The following DDX42 variants were observed in gnomAD, a reference collection of about 807,000 sequenced individuals.
The protein encoded by DDX42 is DEAD-box helicase 42, also known as ATP-dependent RNA helicase DDX42.
In DDX42, 22 loss-of-function variants were observed where a neutral mutation model predicts 101.5. The observed-to-expected ratio is 0.22, with a 90% CI of 0.15 to 0.31. DDX42 has a LOEUF of 0.31. Among genes scored for constraint, DDX42 ranks in the 10% least tolerant of loss-of-function variants. The pLI is 1.00. For synonymous variants in DDX42, 402 were observed against 401.2 expected, an observed-to-expected ratio of 1.00 and a Z score of -0.02; for missense variants, 849 against 1,199.9, an observed-to-expected ratio of 0.71 and a Z score of 4.32.
intron 1 of DDX42, among the ~76,000 whole-genome samples, chr17:63,784,124 A>G (rs916549707): frequency 6.6e-6 from 1 of 152,148 alleles, no homozygotes; most frequent in African/African-American, 2.4e-5. Flanking sequence ...AGTGCTGTGT[A>G]TAATAGCAGT....
chr17:63,781,405 G>T (rs1278816264), intron 1 of DDX42, among the ~76,000 whole-genome samples: 1 of 152,002 alleles, frequency 6.6e-6, no homozygotes, highest in Admixed American at 6.6e-5. Flanking sequence ...TTTTAGTAGA[G>T]ATGGGGTTTC....
rs1330408143 is a variant in DDX42 at position 63,818,076 on chromosome 17, C to G, written c.2495C>G (p.Pro832Arg). 6.2e-7 allele frequency: 1 copy of G among 1,613,832 alleles called. No individual in the cohort carries two copies. Among genetic ancestry groups the G allele is most frequent in the Admixed American group, 1.7e-5 (1 of 59,988 alleles). The change falls in exon 18 of 18, where the codon CCA (proline) becomes CGA (arginine). Residue 832 changes from proline to arginine, a missense_variant. Physicochemically the swap from Pro to Arg is moderately radical, Grantham distance 103 (BLOSUM62 -2). This residue lies in a region of DDX42 where 300 missense variants were observed against 304.9 expected (regional missense o/e 0.98). Coordinates refer to ENST00000389924, the MANE Select transcript of DDX42 (RefSeq NM_203499.3). Reference protein sequence around the residue: ...GETGNRHSDSPRHGDGGRHGD... With the variant: ...GETGNRHSDSRRHGDGGRHGD... ...ACTGGCAATCGGCATAGCGATAGTC[C>G]ACGTCACGGAGATGGTGGTCGCCAT...
intron 6 of DDX42, 23 bp downstream of exon 6, chr17:63,800,640 T>C (rs1328154951): frequency 6.2e-7 from 1 of 1,609,628 alleles, no homozygotes; most frequent in Non-Finnish European, 8.5e-7. Context: ...TTGCTGAATT[T>C]TACTCTTGTT....
At chr17:63,789,299 G>T (rs540906906) in intron 2 of DDX42, among the ~76,000 whole-genome samples, 2 of 150,900 alleles carry the variant, frequency 1.3e-5, no homozygotes, top group African/African-American at 4.9e-5. Context: ...GGCTGGCCTC[G>T]AACTCCTGAC....
intron 2 of DDX42, 70 bp from the exon 3 acceptor site, chr17:63,792,342 G>A: frequency 1.3e-6 from 2 of 1,499,408 alleles, no homozygotes; most frequent in African/African-American, 1.4e-5. Flanking sequence ...TAATAAAAAT[G>A]TTGTTAAATG....
At chr17:63,810,343 G>A (rs1186967349) in intron 11 of DDX42, 170 bp from the exon 12 acceptor site, 5 of 518,462 alleles carry the variant, frequency 9.6e-6, no homozygotes, top group Middle Eastern at 4.7e-4. Flanking sequence ...CGCCTGCTTC[G>A]GCCTCCGAAA....
chr17:63,780,080 G>A lies in DDX42; in HGVS notation c.-17+5704G>A, dbSNP rs185959481. Among the ~76,000 whole-genome samples the A allele has an allele frequency of 1.2e-3, 181 of 152,182 alleles. 1 individual carries two copies. The highest frequency in any genetic ancestry group is 4.3e-3 in the African/African-American group (177 of 41,528). The stretch of plus-strand genomic sequence containing the variant: ...GGGAGGCCAAGGCAGGCAGATCACC[G>A]GCGGTCGGGAGTTTGAGACCAGCCT... On this transcript the variant is annotated intron_variant, in intron 1 of 17. Coordinates refer to ENST00000389924, the MANE Select transcript of DDX42 (RefSeq NM_203499.3).
chr17:63,779,487 C>T (rs908427635), intron 1 of DDX42, among the ~76,000 whole-genome samples: 2 of 152,180 alleles, frequency 1.3e-5, no homozygotes, highest in African/African-American at 4.8e-5. Context: ...TGACCTCTAA[C>T]TCCTGAGCTC....
In DDX42 at chr17:63,809,179, T is replaced by A. The variant is rs74640116; in HGVS notation, c.1152+231T>A. On this transcript the variant is annotated intron_variant, in intron 10 of 17. Transcript: ENST00000389924. Reference sequence around the variant, plus strand: ...ATTCCCCTCTATGTCAAATAGTTTTTCTTATACTCTCCCACAAAATGATTG... The same window carrying A: ...ATTCCCCTCTATGTCAAATAGTTTTACTTATACTCTCCCACAAAATGATTG... Among the ~76,000 whole-genome samples the A allele has an allele frequency of 4.8e-3, 726 of 152,326 alleles. 4 individuals carry two copies. The highest frequency in any genetic ancestry group is 0.016 in the African/African-American group (662 of 41,578).
chr17:63,797,941 C>T, intron 3 of DDX42, 97 bp from the exon 4 acceptor site: 4 of 1,128,936 alleles, frequency 3.5e-6, no homozygotes, highest in Admixed American at 5.0e-5. Context: ...TTGTCAAATA[C>T]ATAGCTAAAG....
chr17:63,774,048 G>A (rs996550724), upstream of DDX42: 91 of 218,452 alleles, frequency 4.2e-4, 15 homozygotes, highest in Middle Eastern at 3.1e-3. Context: ...GCAGTTTCCC[G>A]TCAGAGTATC....
rs922043770 is a variant in DDX42, at chr17:63,799,563, G to GT, written c.435-23dup. The GT allele has an allele frequency of 1.9e-6, 3 of 1,612,756 alleles. No homozygotes were observed. The African/African-American group carries it at 4.0e-5, about 22-fold the overall frequency. ...GGGTATGTGGAACATTTGCAGGGAAGTTTGTTTCTCCGCTTGTTTTTCCAG... is the reference window on the plus strand; with the variant it reads ...GGGTATGTGGAACATTTGCAGGGAAGTTTTGTTTCTCCGCTTGTTTTTCCAG... On this transcript the variant is annotated intron_variant, in intron 4 of 17. Transcript: ENST00000389924.
rs1426680056 is a variant in DDX42, at chr17:63,818,154, G to A, written c.2573G>A (p.Arg858Gln). The A allele has an allele frequency of 3.7e-6, 6 of 1,613,882 alleles. No individual in the cohort carries two copies. The highest frequency in any genetic ancestry group is 2.2e-5 in the South Asian group (2 of 91,074). Reference protein sequence around the residue: ...ESSSRHTDGHRHGENRHGGSA... With the variant: ...ESSSRHTDGHQHGENRHGGSA... The stretch of plus-strand genomic sequence containing the variant: ...AGCAGCCGTCATACTGATGGCCATC[G>A]GCACGGGGAGAACAGACATGGAGGA... Residue 858 changes from arginine to glutamine, a missense_variant, in exon 18 of 18, where the codon CGG (arginine) becomes CAG (glutamine). Transcript: ENST00000389924.
chr17:63,812,718 T>A (rs572187252), intron 14 of DDX42, among the ~76,000 whole-genome samples: 1 of 152,242 alleles, frequency 6.6e-6, no homozygotes, highest in Admixed American at 6.5e-5. Context: ...CATGGCAGAT[T>A]ACTGATGCAA....
chr17:63,775,354 G>A (rs1469418706), intron 1 of DDX42, among the ~76,000 whole-genome samples: 13 of 152,192 alleles, frequency 8.5e-5, no homozygotes, highest in Non-Finnish European at 4.4e-5. Context: ...GATAGGGATA[G>A]GTGTTAGACC....
At chr17:63,808,415 C>A (rs2039868737) in intron 9 of DDX42, among the ~76,000 whole-genome samples, 1 of 152,182 alleles carries the variant, frequency 6.6e-6, no homozygotes, top group South Asian at 2.1e-4. Flanking sequence ...CTCAAGTGAT[C>A]TGCTTGCCTT....
intron 2 of DDX42, 26 bp downstream of exon 2, chr17:63,787,296 G>C (rs765072563): frequency 6.2e-7 from 1 of 1,610,468 alleles, no homozygotes; most frequent in Non-Finnish European, 8.5e-7. Flanking sequence ...TGGTAGTGTA[G>C]CAAAGTTTGG....
At chr17:63,804,962 G>C in intron 6 of DDX42, 109 bp from the exon 7 acceptor site, 1 of 1,364,332 alleles carries the variant, frequency 7.3e-7, no homozygotes. Flanking sequence ...TTCTCTAGCT[G>C]GAATGGCTTT....
intron 17 of DDX42, chr17:63,817,451 C>CA (rs1484198536): frequency 2.1e-6 from 1 of 468,104 alleles, no homozygotes; most frequent in Admixed American, 3.6e-5. Context: ...ATGCTTTATT[C>CA]TAGCCAATCA....
Sources: allele counts gnomAD v4.1 joint callset (sites outside exome capture counted in the v4.1 genomes callset), GRCh38; gene constraint gnomAD v4.1.1; regional missense constraint gnomAD v4.1.1; transcripts MANE v1.5; gene names NCBI Gene and HGNC (gene_info 2026-07-23, HGNC 2026-07-21).